ELAVL1: variants seen among roughly 807,000 people sequenced by gnomAD.
ELAVL1 encodes ELAV-like protein 1.
A neutral mutation model predicts 28.4 loss-of-function variants in ELAVL1; 1 was observed. The ratio of observed to expected loss-of-function variants is 0.04; its 90% CI spans 0.01 to 0.17. The LOEUF is 0.17. ELAVL1 is among the 10% of genes least tolerant of loss of function. The probability of loss-of-function intolerance (pLI) is 1.00; values close to 1 mark genes in which losing one functional copy is unlikely to be tolerated. For missense variants in ELAVL1, 157 were observed against 447.2 expected, an observed-to-expected ratio of 0.35 and a Z score of 5.85; for synonymous variants, 174 against 183.5, an observed-to-expected ratio of 0.95 and a Z score of 0.42.
chr19:7,958,884 A>C lies in ELAVL1; in HGVS notation c.*4599T>G, dbSNP rs1018929554. The C allele has an allele frequency of 5.2e-5, 8 of 153,460 alleles. No individual in the cohort carries two copies. The highest frequency in any genetic ancestry group is 1.9e-4 in the African/African-American group (8 of 41,454). The allele number at this position is 153,460 out of a possible 1,614,324, so 9.5% of individuals were successfully genotyped here. A position where few individuals can be genotyped will look rare whatever the true frequency, so the allele number is the denominator to read the frequency against. ...CTATAAAAACTCTGAAAATGGTGCA[A>C]AAGTTTCATTCTCTTTGAGAAAGCC... On this transcript the variant is annotated 3_prime_UTR_variant, in exon 6 of 6. Transcript: ENST00000407627.
At chr19:8,005,459 C>G (rs1271601795) in intron 1 of ELAVL1, 36 bp downstream of exon 1, 2 of 147,054 alleles carry the variant, frequency 1.4e-5, no homozygotes, top group Non-Finnish European at 3.0e-5. Flanking sequence ...GCGGCCTACC[C>G]CGTCGGGCGC....
intron 4 of ELAVL1, among the ~76,000 whole-genome samples, chr19:7,971,607 G>A (rs545451497): frequency 6.6e-6 from 1 of 152,358 alleles, no homozygotes; most frequent in South Asian, 2.1e-4. Flanking sequence ...CCGAGTAACT[G>A]GCATCCCCCG....
At chr19:7,984,832 T>C (rs367616404) in intron 2 of ELAVL1, among the ~76,000 whole-genome samples, 22 of 152,332 alleles carry the variant, frequency 1.4e-4, no homozygotes, top group African/African-American at 5.0e-4. Context: ...ACCTCCACCT[T>C]TGCCTCCAAT....
chr19:7,989,708 G>A (rs1431345326), intron 2 of ELAVL1, among the ~76,000 whole-genome samples: 1 of 152,234 alleles, frequency 6.6e-6, no homozygotes, highest in Non-Finnish European at 1.5e-5. Context: ...TCCTGGAGCA[G>A]GAGAGAGATG....
chr19:7,987,679 C>T (rs903322553), intron 2 of ELAVL1, among the ~76,000 whole-genome samples: 6 of 152,246 alleles, frequency 3.9e-5, no homozygotes, highest in Admixed American at 6.5e-5. Context: ...CCCCCATCCC[C>T]AGCACCACTC....
chr19:8,003,584 C>T (rs370069436), intron 1 of ELAVL1, among the ~76,000 whole-genome samples: 22 of 148,248 alleles, frequency 1.5e-4, no homozygotes, highest in African/African-American at 5.2e-4. Flanking sequence ...CCCAGCTACT[C>T]GGGAGGCTGA....
At chr19:8,003,717 C>T (rs1355664083) in intron 1 of ELAVL1, among the ~76,000 whole-genome samples, 1 of 150,658 alleles carries the variant, frequency 6.6e-6, no homozygotes, top group Non-Finnish European at 1.5e-5. Context: ...AAAGAAATAG[C>T]ACCATGATCT....
Position 7,981,097 on chromosome 19 carries a change from A to T in ELAVL1, c.262T>A (p.Ser88Thr). ...INTLNGLRLQ[S>T]KTIKVSYARP... Reference sequence around the variant, plus strand: ...GATCCCTTTACCTTAATGGTTTTTGACTGGAGCCTCAAGCCGTTCAGCGTG... The same window carrying T: ...GATCCCTTTACCTTAATGGTTTTTGTCTGGAGCCTCAAGCCGTTCAGCGTG... Residue 88 changes from serine to threonine, a missense_variant, in exon 3 of 6, where the codon TCA becomes ACA. Physicochemically the swap from Ser to Thr is moderately conservative, Grantham distance 58 (BLOSUM62 1). Around this residue, in one of 4 missense-constraint regions of ELAVL1, gnomAD observed 28 missense variants for 89.7 expected, o/e 0.31. Coordinates refer to ENST00000407627, the MANE Select transcript of ELAVL1 (RefSeq NM_001419.3). This position sits in a 1 kb window ranked among gnomAD's most constrained non-coding sequence, Gnocchi z 4.2. The T allele has an allele frequency of 6.2e-7, 1 of 1,614,004 alleles. No homozygotes were observed. The highest frequency in any genetic ancestry group is 8.5e-7 in the Non-Finnish European group (1 of 1,179,982).
At position 7,963,784 on chromosome 19, in the gene ELAVL1, T is replaced by G. The variant is rs1463328008; in HGVS notation, c.680A>C (p.His227Pro). The change falls in exon 6 of 6, where the codon CAC becomes CCC. Residue 227 changes from histidine to proline, a missense_variant. Physicochemically the swap from His to Pro is moderately conservative, Grantham distance 77 (BLOSUM62 -2). Around this residue, in one of 4 missense-constraint regions of ELAVL1, gnomAD observed 107 missense variants for 310.4 expected, o/e 0.34. Transcript: ENST00000407627. The surrounding 1 kb of genome is among the most constrained non-coding windows in gnomAD (Gnocchi z 4.5). Reference sequence around the variant, plus strand: ...GTTGACGCCAGAGAGCCCGCTCATGTGATCGACGCCCATGGGGGAGAACCT... The same window carrying G: ...GTTGACGCCAGAGAGCCCGCTCATGGGATCGACGCCCATGGGGGAGAACCT... ...RFRFSPMGVDHMSGLSGVNVP... is the reference protein window; with the variant it reads ...RFRFSPMGVDPMSGLSGVNVP... 6.2e-7 allele frequency: 1 copy of G among 1,614,000 alleles called. No individual in the cohort carries two copies. Among genetic ancestry groups the G allele is most frequent in the Admixed American group, 1.7e-5 (1 of 60,032 alleles).
chr19:7,960,213 C>A lies in ELAVL1; in HGVS notation c.*3270G>T, dbSNP rs1014003015. 2 of 152,180 alleles carry A rather than the reference C, an allele frequency of 1.3e-5. No homozygotes were observed. Among genetic ancestry groups the A allele is most frequent in the Non-Finnish European group, 2.9e-5 (2 of 68,062 alleles). 9.4% of individuals were successfully genotyped at this position (152,180 alleles called of 1,614,324 possible). A position where few individuals can be genotyped will look rare whatever the true frequency, so the allele number is the denominator to read the frequency against. On this transcript the variant is annotated 3_prime_UTR_variant, in exon 6 of 6. Transcript: ENST00000407627. ...CCCTGGGCTGCCGGCTCCAAAGGGC[C>A]GGTCTTGGCTCCCAACAGCAGCACG...
chr19:7,991,838 A>C lies in ELAVL1; in HGVS notation c.-16-7T>G, dbSNP rs549543366. On this transcript the variant is annotated splice_region_variant and splice_polypyrimidine_tract_variant and intron_variant, in intron 1 of 5. Coordinates refer to ENST00000407627, the MANE Select transcript of ELAVL1 (RefSeq NM_001419.3). Reference sequence around the variant, plus strand: ...CATTGTATTTTTCAAAAATCTGCCAAGAGAAAAAGAGCAAGTAAATTCAAA... The same window carrying C: ...CATTGTATTTTTCAAAAATCTGCCACGAGAAAAAGAGCAAGTAAATTCAAA... 10 of 1,579,388 alleles carry C rather than the reference A, an allele frequency of 6.3e-6. No homozygotes were observed. The East Asian group carries it at 2.3e-4, about 36-fold the overall frequency.
chr19:7,999,245 T>C lies in ELAVL1; in HGVS notation c.-17+6250A>G, dbSNP rs557183617. ...AAAATTAGCTGGGCGTGATGGTGCATGCCTGTAGTACCAGCTACTCAGGAG... is the reference window on the plus strand; with the variant it reads ...AAAATTAGCTGGGCGTGATGGTGCACGCCTGTAGTACCAGCTACTCAGGAG... On this transcript the variant is annotated intron_variant, in intron 1 of 5. Transcript: ENST00000407627. Among the ~76,000 whole-genome samples the C allele has an allele frequency of 3.9e-5, 6 of 152,178 alleles. No individual in the cohort carries two copies. In the South Asian group the frequency reaches 1.2e-3, roughly 32 times the overall value.
chr19:7,970,186 G>A (rs189424720), intron 4 of ELAVL1, among the ~76,000 whole-genome samples: 16 of 149,840 alleles, frequency 1.1e-4, no homozygotes, highest in East Asian at 9.8e-4. Flanking sequence ...ATGGAGTTTC[G>A]CTCTTTTTGC....
At chr19:7,990,583 G>C (rs1312397607) in intron 2 of ELAVL1, among the ~76,000 whole-genome samples, 1 of 151,462 alleles carries the variant, frequency 6.6e-6, no homozygotes, top group Non-Finnish European at 1.5e-5. Context: ...GCCCAGGCTG[G>C]TCTTGAACTT....
Position 7,982,385 on chromosome 19 carries a change from G to A in ELAVL1, c.173-1199C>T, listed in dbSNP as rs929798137. 7.9e-4 allele frequency among the ~76,000 whole-genome samples: 121 copies of A among 152,284 alleles called. No homozygotes were observed. The highest frequency in any genetic ancestry group is 2.8e-3 in the African/African-American group (117 of 41,550). ...AGAGCGCGACAACGAGCAGGTCACC[G>A]AACAGGAGGTGGCCTGGAGCCCCAC... On this transcript the variant is annotated intron_variant, in intron 2 of 5. Coordinates refer to ENST00000407627, the MANE Select transcript of ELAVL1 (RefSeq NM_001419.3). The surrounding 1 kb of genome is among the most constrained non-coding windows in gnomAD (Gnocchi z 4.3).
In ELAVL1 at chr19:7,998,681, C is replaced by T. The variant is rs549472040; in HGVS notation, c.-17+6814G>A. Among the ~76,000 whole-genome samples the T allele has an allele frequency of 7.2e-5, 11 of 152,210 alleles. No homozygotes were observed. In the South Asian group the frequency reaches 2.3e-3, roughly 32 times the overall value. ...TTTTTTTAAAGAGATGGGGGTCTCT[C>T]TTTGTTGCCCAGGCTGGTCTTGAAC... On this transcript the variant is annotated intron_variant, in intron 1 of 5. Coordinates refer to ENST00000407627, the MANE Select transcript of ELAVL1 (RefSeq NM_001419.3).
chr19:7,999,934 GC>G (rs1251875631), intron 1 of ELAVL1, among the ~76,000 whole-genome samples: 12 of 152,210 alleles, frequency 7.9e-5, no homozygotes, highest in Admixed American at 7.9e-4. Flanking sequence ...CTGCCACCAC[GC>G]CCGGCTAATT....
At chr19:7,991,076 C>A (rs1985739071) in intron 2 of ELAVL1, among the ~76,000 whole-genome samples, 1 of 152,194 alleles carries the variant, frequency 6.6e-6, no homozygotes, top group Non-Finnish European at 1.5e-5. Flanking sequence ...CTTTTAGCTG[C>A]CAGGCTCCTG....
intron 1 of ELAVL1, among the ~76,000 whole-genome samples, chr19:7,994,690 C>A (rs778266756): frequency 6.6e-6 from 1 of 152,194 alleles, no homozygotes; most frequent in Non-Finnish European, 1.5e-5. Context: ...GATGGTAGAA[C>A]CTTCTGACTC....
Sources: allele counts gnomAD v4.1 joint callset (sites outside exome capture counted in the v4.1 genomes callset), GRCh38; gene constraint gnomAD v4.1.1; regional missense constraint gnomAD v4.1.1; non-coding constraint Gnocchi (gnomAD v3.1); transcripts MANE v1.5; gene names NCBI Gene and HGNC (gene_info 2026-07-23, HGNC 2026-07-21).